Variants in GLIS3 observed in about 807,000 individuals in gnomAD.
The protein encoded by GLIS3 is GLIS family zinc finger 3.
A neutral mutation model predicts 78.6 loss-of-function variants in GLIS3; 53 were observed. The observed-to-expected ratio is 0.67, with a 90% CI of 0.54 to 0.85. The LOEUF (loss-of-function observed/expected upper bound fraction) is 0.85. Ranked by LOEUF, GLIS3 falls within the 40% of genes least tolerant of loss-of-function variation. The pLI is 0.00. For missense variants in GLIS3, 1,703 were observed against 1,231.1 expected, an observed-to-expected ratio of 1.38 and a Z score of -5.74; for synonymous variants, 684 against 509.9, an observed-to-expected ratio of 1.34 and a Z score of -4.60.
Position 4,299,981 on chromosome 9 carries a change from G to C in GLIS3, c.-659C>G, listed in dbSNP as rs1291321657. The C allele has an allele frequency of 6.6e-6, 1 of 152,228 alleles. No individual in the cohort carries two copies. Among genetic ancestry groups the C allele is most frequent in the Non-Finnish European group, 1.5e-5 (1 of 68,138 alleles). 9.4% of individuals were successfully genotyped at this position (152,228 alleles called of 1,614,324 possible). The stretch of plus-strand genomic sequence containing the variant: ...GCGCGCCGCGCTCTGGGCTGCCCGG[G>C]CGGCGCAGTGTGGACGCGGCTGCAG... On this transcript the variant is annotated 5_prime_UTR_variant, in exon 1 of 11. Coordinates refer to ENST00000381971, the MANE Select transcript of GLIS3 (RefSeq NM_001042413.2).
intron 2 of GLIS3, among the ~76,000 whole-genome samples, chr9:4,165,605 G>A (rs58044260): frequency 0.12 from 18,840 of 152,252 alleles, 1,585 homozygotes; most frequent in African/African-American, 0.24. Context: ...AGCAGAATCA[G>A]GAAGGCTTCC....
chr9:4,067,483 C>T (rs6476802), intron 4 of GLIS3, among the ~76,000 whole-genome samples: 9,350 of 152,014 alleles, frequency 0.062, 883 homozygotes, highest in African/African-American at 0.2. Context: ...CAGAAAAAGA[C>T]GCTGTAGGTC....
At chr9:4,339,281 A>T (rs979477347) in intron 2 of GLIS3, among the ~76,000 whole-genome samples, 1 of 152,226 alleles carries the variant, frequency 6.6e-6, no homozygotes, top group African/African-American at 2.4e-5. Flanking sequence ...CTATGTAGCT[A>T]AAGCCAGTGG....
At chr9:4,460,092 G>A in the GLIS3 span, among the ~76,000 whole-genome samples, 2 of 152,062 alleles carry the variant, frequency 1.3e-5, no homozygotes, top group South Asian at 4.2e-4. Context: ...GTTCAGGTCA[G>A]GTACCCATCA....
intron 2 of GLIS3, among the ~76,000 whole-genome samples, chr9:4,232,474 A>G (rs374026914): frequency 9.2e-5 from 14 of 151,962 alleles, no homozygotes; most frequent in East Asian, 1.9e-4. Context: ...TCAAGTTCCT[A>G]TGTTTACTCT....
chr9:4,183,689 C>A (rs549082314), intron 2 of GLIS3, among the ~76,000 whole-genome samples: 8 of 152,174 alleles, frequency 5.3e-5, no homozygotes, highest in Non-Finnish European at 1.2e-4. Context: ...GTACATCTTA[C>A]AAAATTTAAA....
chr9:4,438,238 T>C, the GLIS3 span, among the ~76,000 whole-genome samples: 78 of 152,330 alleles, frequency 5.1e-4, no homozygotes, highest in Admixed American at 4.1e-3. Flanking sequence ...AAGTAATGAA[T>C]GTTCAGGTAC....
chr9:3,848,513 TAAATA>T (rs1256558676), intron 9 of GLIS3, among the ~76,000 whole-genome samples: 73 of 152,162 alleles, frequency 4.8e-4, no homozygotes, highest in African/African-American at 1.7e-3. Context: ...AAAAAATAAA[TAAATA>T]AAATAAAAAT....
intron 2 of GLIS3, among the ~76,000 whole-genome samples, chr9:4,159,199 T>A (rs1337980594): frequency 6.6e-6 from 1 of 152,150 alleles, no homozygotes; most frequent in Non-Finnish European, 1.5e-5. Flanking sequence ...CCATCCCATA[T>A]ATGATTCTCA....
rs1039815483 is a variant in GLIS3 at position 4,216,037 on chromosome 9, G to C, written c.388+70001C>G. Among the ~76,000 whole-genome samples the C allele has an allele frequency of 1.5e-4, 23 of 152,082 alleles. 1 individual carries two copies. Among genetic ancestry groups the C allele is most frequent in the Admixed American group, 1.3e-3 (20 of 15,264 alleles). On this transcript the variant is annotated intron_variant, in intron 2 of 10. Transcript: ENST00000381971. ...TCCAGTTGCGGCCTTCCTAATGTTT[G>C]AGAAAATTAGGTCCACATAAATTGA...
intron 6 of GLIS3, among the ~76,000 whole-genome samples, chr9:3,917,576 C>G (rs1218720905): frequency 6.6e-6 from 1 of 151,904 alleles, no homozygotes; most frequent in Non-Finnish European, 1.5e-5. Flanking sequence ...TGTGAAGTGA[C>G]TTCTAAAACA....
At chr9:3,982,600 T>TA (rs1232103598) in intron 4 of GLIS3, among the ~76,000 whole-genome samples, 2 of 152,222 alleles carry the variant, frequency 1.3e-5, no homozygotes, top group Admixed American at 1.3e-4. Flanking sequence ...GCTATATATT[T>TA]AATATCGAAA....
intron 2 of GLIS3, among the ~76,000 whole-genome samples, chr9:4,189,224 A>G (rs1200385603): frequency 6.6e-5 from 10 of 152,000 alleles, no homozygotes; most frequent in Non-Finnish European, 1.3e-4. Context: ...TTCAAAGAAC[A>G]TCTTTATTTC....
intron 2 of GLIS3, among the ~76,000 whole-genome samples, chr9:4,207,526 C>T (rs7864894): frequency 0.65 from 98,484 of 152,058 alleles, 32,863 homozygotes; most frequent in African/African-American, 0.82. Context: ...ATTATTCCTG[C>T]TTAAAGTTAA....
At chr9:4,013,085 A>C (rs1445470794) in intron 4 of GLIS3, among the ~76,000 whole-genome samples, 1 of 151,946 alleles carries the variant, frequency 6.6e-6, no homozygotes, top group Non-Finnish European at 1.5e-5. Flanking sequence ...ATAGAGCAAA[A>C]ATGTGGTATC....
At chr9:4,246,186 C>G (rs906168409) in intron 2 of GLIS3, among the ~76,000 whole-genome samples, 3 of 152,188 alleles carry the variant, frequency 2.0e-5, no homozygotes, top group Non-Finnish European at 2.9e-5. Context: ...TGATGAAACC[C>G]TGTCTCTACC....
chr9:4,242,279 C>T (rs1823390592), intron 2 of GLIS3, among the ~76,000 whole-genome samples: 1 of 152,098 alleles, frequency 6.6e-6, no homozygotes, highest in Non-Finnish European at 1.5e-5. Context: ...AATTCTAGGA[C>T]ATCTCCAGGA....
Position 3,825,872 on chromosome 9 carries a change from T to G in GLIS3, c.*2400A>C, listed in dbSNP as rs1250660669. On this transcript the variant is annotated 3_prime_UTR_variant, in exon 11 of 11. Transcript: ENST00000381971. ...TGCTCTCTCTGAGATAAAATGTCCC[T>G]CTGGGGCTCCACATTGATTTCCTGC... 1 of 152,356 alleles carries G rather than the reference T, an allele frequency of 6.6e-6. No homozygotes were observed. Among genetic ancestry groups the G allele is most frequent in the East Asian group, 1.9e-4 (1 of 5,208 alleles). 9.4% of individuals were successfully genotyped at this position (152,356 alleles called of 1,614,324 possible). A position where few individuals can be genotyped will look rare whatever the true frequency, so the allele number is the denominator to read the frequency against.
chr9:4,132,929 A>G (rs1833086038), intron 2 of GLIS3, among the ~76,000 whole-genome samples: 1 of 152,186 alleles, frequency 6.6e-6, no homozygotes, highest in Non-Finnish European at 1.5e-5. Context: ...CTGTTCTAAA[A>G]TGGGGTCAGT....
Sources: gnomAD v4.1 joint callset for allele counts (sites outside exome capture counted in the v4.1 genomes callset) on GRCh38, gnomAD v4.1.1 for gene constraint, MANE v1.5 for transcripts, NCBI Gene and HGNC (gene_info 2026-07-23, HGNC 2026-07-21) for gene names.